Variants in BRI3BP observed in about 807,000 individuals in gnomAD.
BRI3BP encodes the protein BRI3 binding protein, also known as BRI3-binding protein.
A neutral mutation model predicts 15.8 loss-of-function variants in BRI3BP; 7 were observed. The ratio of observed to expected loss-of-function variants is 0.44; its 90% CI spans 0.25 to 0.83. The LOEUF is 0.83. BRI3BP is among the 40% of genes least tolerant of loss of function. The pLI, the probability that BRI3BP is intolerant of heterozygous loss-of-function variation, is 0.20. For missense variants in BRI3BP, 320 were observed against 339.3 expected (o/e 0.94, Z 0.45); for synonymous variants, 192 against 163.5 (o/e 1.17, Z -1.33).
chr12:125,042,426 T>C, the BRI3BP span, among the ~76,000 whole-genome samples: 2 of 152,208 alleles, frequency 1.3e-5, no homozygotes, highest in African/African-American at 2.4e-5. Context: ...TTATAAAACA[T>C]TAAATGTTCA....
intron 1 of BRI3BP, 57 bp downstream of exon 1, chr12:124,994,060 ACCGGGGCCGACCTGGGAGGAGCGCGGCCT>A (rs2135984099): frequency 9.0e-7 from 1 of 1,116,052 alleles, no homozygotes; most frequent in Non-Finnish European, 1.1e-6. Context: ...GCACCTGGCT[ACCGGGGCCGACCTGGGAGGAGCGCGGCCT>A]CCGGGGCTGC....
At chr12:125,048,196 G>A in the BRI3BP span, among the ~76,000 whole-genome samples, 3,709 of 152,016 alleles carry the variant, frequency 0.024, 166 homozygotes, top group African/African-American at 0.084. Flanking sequence ...GGGGAGTTGG[G>A]GCACACTGTA....
chr12:125,025,111 C>T lies in BRI3BP; in HGVS notation c.437C>T (p.Thr146Ile), dbSNP rs1473714822. 1.2e-6 allele frequency: 2 copies of T among 1,614,056 alleles called. No individual in the cohort carries two copies. Among genetic ancestry groups the T allele is most frequent in the Non-Finnish European group, 1.7e-6 (2 of 1,180,038 alleles). Residue 146 changes from threonine (T) to isoleucine (I), a missense_variant, in exon 3 of 3, where the codon ACT (threonine) becomes ATT (isoleucine). Thr to Ile is a moderately conservative substitution (Grantham distance 89). Transcript: ENST00000341446. Reference protein sequence around the residue: ...YWFLSLTLGFTFSVLHVVFGR... With the variant: ...YWFLSLTLGFIFSVLHVVFGR... ...TTCTTGTCCCTGACCCTGGGCTTCA[C>T]TTTCAGCGTCCTGCACGTGGTGTTC...
chr12:125,039,928 C>A, the BRI3BP span, among the ~76,000 whole-genome samples: 1 of 152,162 alleles, frequency 6.6e-6, no homozygotes. Context: ...AGATGAGGGT[C>A]CAGCTGTCTT....
chr12:125,015,899 G>A (rs1244053595), intron 2 of BRI3BP, among the ~76,000 whole-genome samples: 4 of 152,194 alleles, frequency 2.6e-5, no homozygotes, highest in Admixed American at 6.5e-5. Context: ...TGCAGCCACC[G>A]CGTGCAATCC....
At chr12:125,024,258 A>C (rs1378813931) in intron 2 of BRI3BP, among the ~76,000 whole-genome samples, 76 of 135,010 alleles carry the variant, frequency 5.6e-4, no homozygotes, top group Admixed American at 9.6e-4. Flanking sequence ...ATCTCATGAA[A>C]CCCCCCCCCC....
intron 1 of BRI3BP, among the ~76,000 whole-genome samples, chr12:125,002,665 C>T (rs1331659948): frequency 2.6e-5 from 4 of 152,114 alleles, no homozygotes; most frequent in Non-Finnish European, 4.4e-5. Flanking sequence ...ACTGTGTTAG[C>T]CAGGATGGTC....
chr12:125,016,986 C>T (rs1170722896), intron 2 of BRI3BP, among the ~76,000 whole-genome samples: 1 of 151,238 alleles, frequency 6.6e-6, no homozygotes, highest in Non-Finnish European at 1.5e-5. Context: ...CAAGTGTGCA[C>T]CACCACATCT....
At chr12:125,020,131 A>C (rs1444526846) in intron 2 of BRI3BP, among the ~76,000 whole-genome samples, 2 of 151,578 alleles carry the variant, frequency 1.3e-5, no homozygotes, top group Non-Finnish European at 2.9e-5. Context: ...TTTTTAATAG[A>C]GACAAGGTTT....
the BRI3BP span, among the ~76,000 whole-genome samples, chr12:125,049,469 T>C: frequency 1.3e-5 from 2 of 151,230 alleles, no homozygotes; most frequent in Non-Finnish European, 2.9e-5. Flanking sequence ...CAACCCTCCT[T>C]TGGCAGCGCA....
At chr12:125,018,501 A>AAG (rs1223669257) in intron 2 of BRI3BP, among the ~76,000 whole-genome samples, 1 of 151,988 alleles carries the variant, frequency 6.6e-6, no homozygotes, top group Non-Finnish European at 1.5e-5. Flanking sequence ...AAGGCAGAGT[A>AAG]AGAGAGAGGA....
At chr12:125,034,624 CTG>C (rs1955429754), downstream of BRI3BP, among the ~76,000 whole-genome samples, 1 of 151,422 alleles carries the variant, frequency 6.6e-6, no homozygotes, top group African/African-American at 2.4e-5. Flanking sequence ...GAGTCTCACT[CTG>C]TCGCCCAGGC....
Position 125,001,063 on chromosome 12 carries a change from A to AT in BRI3BP, c.213+7069dup, listed in dbSNP as rs1172248198. Among the ~76,000 whole-genome samples the AT allele has an allele frequency of 3.4e-4, 51 of 149,738 alleles. 1 individual carries two copies. Among genetic ancestry groups the AT allele is most frequent in the African/African-American group, 1.1e-3 (46 of 40,852 alleles). On this transcript the variant is annotated intron_variant, in intron 1 of 2. Transcript: ENST00000341446. ...TAATTATGAATTTTTTTTTATTTTT[A>AT]TTTTTTTTTGAGACGGAGTCTTGCT...
chr12:125,014,173 G>C (rs973282466), intron 2 of BRI3BP, among the ~76,000 whole-genome samples: 1 of 152,032 alleles, frequency 6.6e-6, no homozygotes, highest in Admixed American at 6.6e-5. Flanking sequence ...AGGTAAACAG[G>C]GATCTCCTAG....
chr12:125,048,305 A>G, the BRI3BP span, among the ~76,000 whole-genome samples: 2 of 152,038 alleles, frequency 1.3e-5, no homozygotes, highest in Non-Finnish European at 2.9e-5. Flanking sequence ...GTGTGTTCCT[A>G]AGGTTCCTCA....
intron 2 of BRI3BP, among the ~76,000 whole-genome samples, chr12:125,024,461 A>G (rs1009069337): frequency 2.6e-5 from 4 of 152,162 alleles, no homozygotes; most frequent in Admixed American, 6.5e-5. Context: ...AAGAGAAACC[A>G]GTATATGGAG....
the BRI3BP span, among the ~76,000 whole-genome samples, chr12:125,050,088 C>T: frequency 5.9e-5 from 9 of 152,188 alleles, no homozygotes; most frequent in African/African-American, 2.2e-4. Flanking sequence ...CGCGGTGGCT[C>T]ACGCCTGTAA....
intron 1 of BRI3BP, among the ~76,000 whole-genome samples, chr12:125,001,198 G>A (rs2135987747): frequency 6.6e-6 from 1 of 151,884 alleles, no homozygotes; most frequent in East Asian, 1.9e-4. Context: ...GGGACCAAGG[G>A]TGCCCGCCAT....
chr12:125,016,750 G>C (rs1171054405), intron 2 of BRI3BP, among the ~76,000 whole-genome samples: 1 of 150,078 alleles, frequency 6.7e-6, no homozygotes, highest in African/African-American at 2.4e-5. Flanking sequence ...CTGGTCTTGA[G>C]CTCCTGACCT....
Sources: gnomAD v4.1 joint callset for allele counts (sites outside exome capture counted in the v4.1 genomes callset) on GRCh38, gnomAD v4.1.1 for gene constraint, MANE v1.5 for transcripts, NCBI Gene and HGNC (gene_info 2026-07-23, HGNC 2026-07-21) for gene names.